STX8: variants seen among roughly 807,000 people sequenced by gnomAD.
STX8 encodes the protein syntaxin-8.
In STX8, 23 loss-of-function variants were observed where a neutral mutation model predicts 37.5. That is an observed-to-expected ratio of 0.61 (90% confidence interval 0.44 to 0.87). The LOEUF (loss-of-function observed/expected upper bound fraction) is 0.87. Ranked by LOEUF, STX8 falls within the 40% of genes least tolerant of loss-of-function variation. The pLI is 0.00. For synonymous variants in STX8, 115 were observed against 99.1 expected (o/e 1.16, Z -0.95); for missense variants, 313 against 284.7 (o/e 1.10, Z -0.71).
chr17:9,334,958 T>G (rs1014449776), intron 7 of STX8, among the ~76,000 whole-genome samples: 1 of 152,190 alleles, frequency 6.6e-6, no homozygotes, highest in Non-Finnish European at 1.5e-5. Context: ...GCCCCTAGTT[T>G]CAGTAAACAA....
intron 7 of STX8, among the ~76,000 whole-genome samples, chr17:9,307,660 G>A (rs1179364680): frequency 6.6e-6 from 1 of 152,032 alleles, no homozygotes; most frequent in African/African-American, 2.4e-5. Flanking sequence ...TTATTCTTAG[G>A]TGCCCGTCAG....
chr17:9,383,901 C>A (rs1364992809), intron 6 of STX8, among the ~76,000 whole-genome samples: 2 of 152,068 alleles, frequency 1.3e-5, no homozygotes, highest in African/African-American at 4.8e-5. Context: ...ATAAATCTAA[C>A]TGAAGATGTG....
At chr17:9,426,801 T>C (rs1913647864) in intron 6 of STX8, among the ~76,000 whole-genome samples, 2 of 152,234 alleles carry the variant, frequency 1.3e-5, no homozygotes, top group African/African-American at 4.8e-5. Flanking sequence ...GTAAAATTTA[T>C]CCTCTGAAGA....
At chr17:9,282,745 C>T (rs1907934893) in intron 7 of STX8, among the ~76,000 whole-genome samples, 2 of 152,200 alleles carry the variant, frequency 1.3e-5, no homozygotes, top group African/African-American at 2.4e-5. Flanking sequence ...CTCTGGCCAA[C>T]CTATATGGCC....
At chr17:9,269,181 CG>C (rs1567761348) in intron 7 of STX8, among the ~76,000 whole-genome samples, 1 of 123,632 alleles carries the variant, frequency 8.1e-6, no homozygotes. Flanking sequence ...AGCAAGACTC[CG>C]TCTCAAAAAA....
chr17:9,515,087 A>G (rs1377213870), intron 4 of STX8, among the ~76,000 whole-genome samples: 2 of 152,244 alleles, frequency 1.3e-5, no homozygotes, highest in African/African-American at 4.8e-5. Flanking sequence ...ATCTCCACCC[A>G]TACAAAGCAT....
chr17:9,395,247 A>T (rs1004762686), intron 6 of STX8, among the ~76,000 whole-genome samples: 2 of 152,202 alleles, frequency 1.3e-5, no homozygotes, highest in Non-Finnish European at 2.9e-5. Context: ...ATTCTATTTA[A>T]CCACAATAAT....
At chr17:9,470,876 G>T (rs562983405) in intron 6 of STX8, among the ~76,000 whole-genome samples, 61 of 141,854 alleles carry the variant, frequency 4.3e-4, no homozygotes, top group Non-Finnish European at 8.1e-4. Flanking sequence ...ACAGGTGCCC[G>T]CCACCATGCC....
At chr17:9,350,590 T>C (rs771664993) in intron 7 of STX8, among the ~76,000 whole-genome samples, 5 of 152,164 alleles carry the variant, frequency 3.3e-5, no homozygotes, top group Non-Finnish European at 7.3e-5. Context: ...TGGAGTGCAG[T>C]GGCACGATCT....
intron 7 of STX8, among the ~76,000 whole-genome samples, chr17:9,374,573 C>T (rs1911521546): frequency 6.6e-6 from 1 of 151,984 alleles, no homozygotes; most frequent in South Asian, 2.1e-4. Context: ...TGACCTTCAT[C>T]GACATGCAAA....
At chr17:9,265,414 T>G (rs1002517000) in intron 7 of STX8, among the ~76,000 whole-genome samples, 1 of 152,232 alleles carries the variant, frequency 6.6e-6, no homozygotes, top group South Asian at 2.1e-4. Flanking sequence ...GGGCACACTG[T>G]GTATGGGCCC....
At chr17:9,511,356 C>T (rs1046508055) in intron 4 of STX8, among the ~76,000 whole-genome samples, 2 of 151,974 alleles carry the variant, frequency 1.3e-5, no homozygotes, top group African/African-American at 4.8e-5. Context: ...CACAAAAATC[C>T]TCAATACTAG....
intron 7 of STX8, among the ~76,000 whole-genome samples, chr17:9,312,709 G>A (rs1183674357): frequency 6.6e-6 from 1 of 152,168 alleles, no homozygotes; most frequent in Non-Finnish European, 1.5e-5. Flanking sequence ...TCTGAGTGGA[G>A]TTAGAAAGTG....
At position 9,505,138 on chromosome 17, in the gene STX8, A is replaced by G; in HGVS notation, c.348T>C (p.Ala116=). Residue 116 remains alanine (A), a synonymous_variant, in exon 5 of 8, where the codon GCT becomes GCC. Transcript: ENST00000306357. The part of the protein sequence containing the change: ...LIRSSLMSEE[A]KRGAPNPWLF... ...GCCAAGGGTTGGGTGCTCCTCGCTT[A>G]GCCTCTTCACTCATCAGGCTGGACC... is the stretch of plus-strand genomic sequence containing the variant. 6.2e-7 allele frequency: 1 copy of G among 1,614,006 alleles called. No individual in the cohort carries two copies. Among genetic ancestry groups the G allele is most frequent in the Non-Finnish European group, 8.5e-7 (1 of 1,179,996 alleles).
At chr17:9,282,005 C>T (rs1036373844) in intron 7 of STX8, among the ~76,000 whole-genome samples, 1 of 152,240 alleles carries the variant, frequency 6.6e-6, no homozygotes, top group African/African-American at 2.4e-5. Flanking sequence ...GGGGCCTTCT[C>T]CCCACTCTCC....
At chr17:9,432,597 A>G (rs1914021127) in intron 6 of STX8, among the ~76,000 whole-genome samples, 1 of 152,182 alleles carries the variant, frequency 6.6e-6, no homozygotes, top group Non-Finnish European at 1.5e-5. Context: ...AGTCACCACA[A>G]ATGTGTTTTG....
intron 2 of STX8, among the ~76,000 whole-genome samples, chr17:9,559,520 A>G (rs1907121010): frequency 6.6e-6 from 1 of 151,540 alleles, no homozygotes; most frequent in Non-Finnish European, 1.5e-5. Context: ...TATAAACAAA[A>G]GAAACACAAA....
chr17:9,413,233 C>A lies in STX8; in HGVS notation c.542-34580G>T, dbSNP rs150122726. On this transcript the variant is annotated intron_variant, in intron 6 of 7. Coordinates refer to ENST00000306357, the MANE Select transcript of STX8 (RefSeq NM_004853.3). ...CCCAATCTGTTATGAGTAGGAAATT[C>A]TTTGCTCACAGGCAGACTGACCAGG... Among the ~76,000 whole-genome samples the A allele has an allele frequency of 3.2e-3, 485 of 152,298 alleles. 2 individuals are homozygous for A. The highest frequency in any genetic ancestry group is 0.01 in the Middle Eastern group (3 of 292).
At position 9,367,038 on chromosome 17, in the gene STX8, T is replaced by C. The variant is rs183684006; in HGVS notation, c.643+11514A>G. 1.1e-4 allele frequency among the ~76,000 whole-genome samples: 17 copies of C among 152,246 alleles called. No homozygotes were observed. The East Asian group carries it at 2.7e-3, about 24-fold the overall frequency. ...CCACTAATAAGGTTGGGGTGGGGGA[T>C]GGTTTCTGATACTTTACTGGAAAAT... is the stretch of plus-strand genomic sequence containing the variant. On this transcript the variant is annotated intron_variant, in intron 7 of 7. Coordinates refer to ENST00000306357, the MANE Select transcript of STX8 (RefSeq NM_004853.3).
Sources: allele counts gnomAD v4.1 joint callset (sites outside exome capture counted in the v4.1 genomes callset), GRCh38; gene constraint gnomAD v4.1.1; transcripts MANE v1.5; gene names NCBI Gene and HGNC (gene_info 2026-07-23, HGNC 2026-07-21).